Variants in AKAP19 observed in about 807,000 individuals in gnomAD.
AKAP19 encodes the protein A-kinase anchoring protein 19.
At chr2:189,970,958 T>C in the AKAP19 span, among the ~76,000 whole-genome samples, 5 of 152,364 alleles carry the variant, frequency 3.3e-5, no homozygotes, top group South Asian at 8.3e-4. Context: ...TACTTGTTTA[T>C]TGACCATTTG....
the AKAP19 span, among the ~76,000 whole-genome samples, chr2:190,068,341 G>C: frequency 6.6e-6 from 1 of 152,020 alleles, no homozygotes; most frequent in African/African-American, 2.4e-5. Context: ...GTTTTTCTTT[G>C]TTTGTTGAGA....
chr2:190,174,188 G>C, the AKAP19 span, among the ~76,000 whole-genome samples: 2 of 152,152 alleles, frequency 1.3e-5, no homozygotes, highest in African/African-American at 4.8e-5. Flanking sequence ...TTCCCCCACC[G>C]TGTCTGGTGT....
chr2:190,115,612 C>T, the AKAP19 span, among the ~76,000 whole-genome samples: 10 of 151,882 alleles, frequency 6.6e-5, no homozygotes, highest in Non-Finnish European at 1.2e-4. Context: ...AGCCACCGCG[C>T]CCGGCCAAGA....
chr2:190,137,349 G>A, the AKAP19 span, among the ~76,000 whole-genome samples: 2 of 152,114 alleles, frequency 1.3e-5, no homozygotes, highest in Non-Finnish European at 2.9e-5. Flanking sequence ...GAATTAAATT[G>A]AATGGTTTGC....
At chr2:190,195,362 A>G in the AKAP19 span, among the ~76,000 whole-genome samples, 13 of 152,172 alleles carry the variant, frequency 8.5e-5, no homozygotes, top group African/African-American at 3.1e-4. Context: ...GCTGGATCAT[A>G]CAGTAAGAAT....
chr2:190,121,051 T>C, the AKAP19 span, among the ~76,000 whole-genome samples: 1 of 152,118 alleles, frequency 6.6e-6, no homozygotes, highest in African/African-American at 2.4e-5. Context: ...TAATTAAAAT[T>C]TGATAGATTA....
the AKAP19 span, among the ~76,000 whole-genome samples, chr2:189,953,353 A>C: frequency 0.69 from 104,405 of 151,662 alleles, 36,866 homozygotes; most frequent in East Asian, 0.86. Context: ...TTTTAGATAT[A>C]GGCCGGGCAT....
the AKAP19 span, among the ~76,000 whole-genome samples, chr2:190,061,797 G>C: frequency 6.6e-6 from 1 of 151,126 alleles, no homozygotes; most frequent in Admixed American, 6.6e-5. Flanking sequence ...GCTCAAGTAA[G>C]CTTAAACATC....
the AKAP19 span, among the ~76,000 whole-genome samples, chr2:190,108,391 G>A: frequency 6.6e-6 from 1 of 152,180 alleles, no homozygotes; most frequent in Non-Finnish European, 1.5e-5. Context: ...CCTGACTTCA[G>A]GTGATCTGCC....
the AKAP19 span, among the ~76,000 whole-genome samples, chr2:190,009,853 A>G: frequency 6.6e-6 from 1 of 152,178 alleles, no homozygotes; most frequent in Non-Finnish European, 1.5e-5. Flanking sequence ...GGCCTGAGAC[A>G]TAATGACCAG....
the AKAP19 span, among the ~76,000 whole-genome samples, chr2:189,935,443 A>G: frequency 6.6e-6 from 1 of 152,096 alleles, no homozygotes; most frequent in Non-Finnish European, 1.5e-5. Context: ...TTTATTAAGG[A>G]TCCCAAATAG....
At chr2:190,160,818 G>A in the AKAP19 span, among the ~76,000 whole-genome samples, 1 of 152,230 alleles carries the variant, frequency 6.6e-6, no homozygotes, top group Non-Finnish European at 1.5e-5. Flanking sequence ...GACAGATAAA[G>A]TATAAGAATT....
chr2:189,940,278 C>CAA, the AKAP19 span, among the ~76,000 whole-genome samples: 123 of 109,438 alleles, frequency 1.1e-3, no homozygotes, highest in African/African-American at 3.6e-3. Flanking sequence ...GACTTCATCT[C>CAA]AAAAAAAAAA....
the AKAP19 span, among the ~76,000 whole-genome samples, chr2:190,136,928 T>G: frequency 1.3e-5 from 2 of 152,202 alleles, no homozygotes; most frequent in Non-Finnish European, 2.9e-5. Context: ...GAATGTGCTT[T>G]TGGCAAAAAT....
chr2:189,909,149 CT>C, the AKAP19 span, among the ~76,000 whole-genome samples: 1 of 151,914 alleles, frequency 6.6e-6, no homozygotes, highest in Admixed American at 6.6e-5. Flanking sequence ...AATTTCAAGT[CT>C]ATTTTGTCTG....
At chr2:190,164,895 G>A in the AKAP19 span, among the ~76,000 whole-genome samples, 76 of 152,282 alleles carry the variant, frequency 5.0e-4, no homozygotes, top group African/African-American at 1.7e-3. Flanking sequence ...CAGATGCTAT[G>A]GATAGTCTTA....
the AKAP19 span, among the ~76,000 whole-genome samples, chr2:190,158,668 A>AT: frequency 2.0e-5 from 3 of 152,172 alleles, no homozygotes; most frequent in Admixed American, 2.0e-4. Context: ...CCTGGCTATC[A>AT]TCATCTTGGC....
At chr2:190,080,282 C>CA in the AKAP19 span, among the ~76,000 whole-genome samples, 3 of 152,068 alleles carry the variant, frequency 2.0e-5, no homozygotes, top group East Asian at 1.9e-4. Flanking sequence ...ACCATTCACA[C>CA]AAAAAAATTA....
chr2:190,109,037 T>A, the AKAP19 span, among the ~76,000 whole-genome samples: 1 of 152,166 alleles, frequency 6.6e-6, no homozygotes, highest in Non-Finnish European at 1.5e-5. Flanking sequence ...TAATAAGAGA[T>A]GTCTTCATAG....
Sources: allele counts gnomAD v4.1 joint callset (sites outside exome capture counted in the v4.1 genomes callset), GRCh38; gene constraint gnomAD v4.1.1; transcripts MANE v1.5; gene names NCBI Gene and HGNC (gene_info 2026-07-23, HGNC 2026-07-21).